Variants in TRIP11 observed in about 807,000 individuals in gnomAD.
The protein encoded by TRIP11 is thyroid receptor-interacting protein 11.
A neutral mutation model predicts 223.1 loss-of-function variants in TRIP11; 148 were observed. The ratio of observed to expected loss-of-function variants is 0.66; its 90% CI spans 0.58 to 0.76. The LOEUF (loss-of-function observed/expected upper bound fraction) is 0.76, where lower values mean the gene tolerates loss of function less well. TRIP11 is among the 30% of genes least tolerant of loss of function. The pLI is 0.00. For missense variants in TRIP11, 2,043 were observed against 2,222.0 expected (o/e 0.92, Z 1.62); for synonymous variants, 762 against 772.6 (o/e 0.99, Z 0.23).
chr14:91,995,569 CAAG>C lies in TRIP11; in HGVS notation c.4893-57_4893-55del, dbSNP rs562456898. The C allele has an allele frequency of 7.0e-4, 1,110 of 1,578,816 alleles. 10 individuals are homozygous for C. In the African/African-American group the frequency reaches 0.013, roughly 19 times the overall value. The stretch of plus-strand genomic sequence containing the variant: ...TGCTTCATCTATTTAGATACTTTAA[CAAG>C]AAGAAGCCACCTTCCCTACATCTTA... On this transcript the variant is annotated intron_variant, in intron 13 of 20. Transcript: ENST00000267622.
rs2056923320 is a variant in TRIP11 at position 92,007,717 on chromosome 14, T to G, written c.1450A>C (p.Asn484His). The part of the protein sequence containing the change: ...LNLEAKEQEL[N>H]QSISEKETLI... ...GTTTCCTTTTCACTAATACTCTGATTGAGTTCTTGTTCCTTTGCCTCCAAA... is the reference window on the plus strand; with the variant it reads ...GTTTCCTTTTCACTAATACTCTGATGGAGTTCTTGTTCCTTTGCCTCCAAA... The change falls in exon 10 of 21, where the codon AAT (asparagine) becomes CAT (histidine). Residue 484 changes from asparagine to histidine, a missense_variant. By Grantham distance (68) the Asn-to-His change is moderately conservative. Coordinates refer to ENST00000267622, the MANE Select transcript of TRIP11 (RefSeq NM_004239.4). The G allele has an allele frequency of 6.2e-7, 1 of 1,613,672 alleles. No individual in the cohort carries two copies. The highest frequency in any genetic ancestry group is 1.3e-5 in the African/African-American group (1 of 74,950).
In TRIP11 at chr14:92,003,634, T is replaced by C; in HGVS notation, c.4342A>G (p.Lys1448Glu). ...ATCTCTAGAATTAATATTCTCTCCT[T>C]CAGGTTTGTTACTGCCTGCCTCAAA... ...ELLRQAVTNL[K>E]ERILILEMDI... Residue 1448 changes from lysine to glutamate, a missense_variant, in exon 11 of 21, where the codon AAG becomes GAG. Coordinates refer to ENST00000267622, the MANE Select transcript of TRIP11 (RefSeq NM_004239.4). 1 of 1,614,204 alleles carries C rather than the reference T, an allele frequency of 6.2e-7. No homozygotes were observed. The highest frequency in any genetic ancestry group is 8.5e-7 in the Non-Finnish European group (1 of 1,180,034).
chr14:91,992,726 G>A (rs987963718), intron 15 of TRIP11, among the ~76,000 whole-genome samples: 1 of 151,688 alleles, frequency 6.6e-6, no homozygotes, highest in Non-Finnish European at 1.5e-5. Context: ...TGGCTAACAT[G>A]GTGAAACCTC....
rs1235880158 is a variant in TRIP11, at chr14:92,005,233, G to A, written c.2743C>T (p.His915Tyr). Reference sequence around the variant, plus strand: ...TTTTGATCTTCAATTATCTTTTGATGATGTTTAATTTCCTCTTCAAGATGT... The same window carrying A: ...TTTTGATCTTCAATTATCTTTTGATAATGTTTAATTTCCTCTTCAAGATGT... Reference protein sequence around the residue: ...KEHLEEEIKHHQKIIEDQNQS... With the variant: ...KEHLEEEIKHYQKIIEDQNQS... The change falls in exon 11 of 21, where the codon CAT becomes TAT. Residue 915 changes from histidine (H) to tyrosine (Y), a missense_variant. Physicochemically the swap from His to Tyr is moderately conservative, Grantham distance 83. Coordinates refer to ENST00000267622, the MANE Select transcript of TRIP11 (RefSeq NM_004239.4). The A allele has an allele frequency of 6.2e-7, 1 of 1,613,980 alleles. No homozygotes were observed. Among genetic ancestry groups the A allele is most frequent in the Non-Finnish European group, 8.5e-7 (1 of 1,180,036 alleles).
intron 17 of TRIP11, 115 bp from the exon 18 acceptor site, chr14:91,975,401 T>C: frequency 1.7e-6 from 1 of 580,480 alleles, no homozygotes; most frequent in East Asian, 3.6e-5. Context: ...TATAAAAAAG[T>C]CTAAACAAAA....
chr14:91,995,248 C>A, intron 14 of TRIP11, 104 bp downstream of exon 14: 1 of 1,416,664 alleles, frequency 7.1e-7, no homozygotes, highest in South Asian at 1.2e-5. Context: ...AGTGGGTAAC[C>A]TTTCAGAGAT....
rs566304125 is a variant in TRIP11 at position 91,975,352 on chromosome 14, T to C, written c.5343-66A>G. The C allele has an allele frequency of 4.9e-5, 50 of 1,015,696 alleles. 1 individual carries two copies. The highest frequency in any genetic ancestry group is 2.4e-4 in the African/African-American group (15 of 62,916). 62.9% of individuals were successfully genotyped at this position (1,015,696 alleles called of 1,614,324 possible). On this transcript the variant is annotated intron_variant, in intron 17 of 20. Transcript: ENST00000267622. ...ATTAAGTACACTCAAACACTAAGCA[T>C]AGAAATATTTAATTATATTAAACAA... is the stretch of plus-strand genomic sequence containing the variant.
At chr14:91,977,303 T>C in intron 16 of TRIP11, 1 of 440,982 alleles carries the variant, frequency 2.3e-6, no homozygotes, top group Non-Finnish European at 4.5e-6. Context: ...CTTTTTCTTT[T>C]GTTGCTTGTG....
chr14:91,973,591 G>T (rs1324408894), intron 19 of TRIP11, among the ~76,000 whole-genome samples: 1 of 152,088 alleles, frequency 6.6e-6, no homozygotes, highest in Admixed American at 6.5e-5. Flanking sequence ...AATAACAAAA[G>T]ATCACAAATA....
At position 92,039,916 on chromosome 14, in the gene TRIP11, C is replaced by T. The variant is rs2057366478; in HGVS notation, c.-231G>A. The T allele has an allele frequency of 2.7e-6, 2 of 740,072 alleles. No individual in the cohort carries two copies. Among genetic ancestry groups the T allele is most frequent in the East Asian group, 5.6e-5 (2 of 35,694 alleles). The allele number at this position is 740,072 out of a possible 1,614,324, so 45.8% of individuals were successfully genotyped here. A position where few individuals can be genotyped will look rare whatever the true frequency, so the allele number is the denominator to read the frequency against. On this transcript the variant is annotated 5_prime_UTR_variant, in exon 1 of 21. Transcript: ENST00000267622. ...TAGTGACACAGTCACCTACGGAGGG[C>T]CTTCTGCTCATTCCCACGAATTCCC... is the stretch of plus-strand genomic sequence containing the variant.
intron 6 of TRIP11, among the ~76,000 whole-genome samples, chr14:92,015,305 C>T (rs1442133869): frequency 2.0e-5 from 3 of 152,128 alleles, no homozygotes; most frequent in African/African-American, 7.2e-5. Context: ...ACAGCACTGT[C>T]CTGGTCTTAG....
chr14:92,027,393 T>TATA (rs561002941), intron 2 of TRIP11, among the ~76,000 whole-genome samples: 97 of 152,302 alleles, frequency 6.4e-4, no homozygotes, highest in African/African-American at 2.0e-3. Flanking sequence ...TTAGCTGTAC[T>TATA]ATAAGTAGTT....
intron 15 of TRIP11, among the ~76,000 whole-genome samples, chr14:91,993,401 G>C (rs973571678): frequency 6.7e-6 from 1 of 149,848 alleles, no homozygotes; most frequent in African/African-American, 2.5e-5. Flanking sequence ...GCTTGAACCC[G>C]GAAGGCAGAG....
At chr14:92,000,256 C>T (rs2056807456) in intron 11 of TRIP11, 148 bp from the exon 12 acceptor site, 5 of 1,322,516 alleles carry the variant, frequency 3.8e-6, no homozygotes, top group Non-Finnish European at 5.1e-6. Flanking sequence ...AGAGAGACTC[C>T]TAGTTAATTT....
intron 16 of TRIP11, 110 bp from the exon 17 acceptor site, chr14:91,976,299 T>C (rs1167080596): frequency 5.6e-6 from 5 of 894,652 alleles, no homozygotes; most frequent in Admixed American, 2.0e-5. Flanking sequence ...TATATACACT[T>C]ATTCTAATTG....
chr14:91,977,202 A>G (rs1388245247), intron 16 of TRIP11: 1 of 453,894 alleles, frequency 2.2e-6, no homozygotes, highest in East Asian at 7.0e-5. Flanking sequence ...ATTTACAAAC[A>G]TGTTTTCCCC....
intron 16 of TRIP11, among the ~76,000 whole-genome samples, chr14:91,977,830 C>A (rs1382207415): frequency 6.6e-6 from 1 of 152,118 alleles, no homozygotes; most frequent in Admixed American, 6.5e-5. Flanking sequence ...TAAAATGTCT[C>A]GTTTAACTGT....
rs545153463 is a variant in TRIP11 at position 91,968,425 on chromosome 14, T to G, written c.*1248A>C. The G allele has an allele frequency of 9.5e-6, 2 of 209,706 alleles. No individual in the cohort carries two copies. The highest frequency in any genetic ancestry group is 1.4e-4 in the East Asian group (2 of 13,860). 13.0% of individuals were successfully genotyped at this position (209,706 alleles called of 1,614,324 possible). On this transcript the variant is annotated 3_prime_UTR_variant, in exon 21 of 21. Transcript: ENST00000267622. ...ACTGGTGCTATCAAAGTGATTTCAC[T>G]GCCCTCAGTGGCCACCGTGATAACA...
In TRIP11 at chr14:92,011,158, C is replaced by T. The variant is rs908736255; in HGVS notation, c.1228-86G>A. On this transcript the variant is annotated intron_variant, in intron 8 of 20. Transcript: ENST00000267622. Reference sequence around the variant, plus strand: ...TGGCAATCTATACAATTGTGTGTTTCTATTCAGTATTTCTTTAATGATATG... The same window carrying T: ...TGGCAATCTATACAATTGTGTGTTTTTATTCAGTATTTCTTTAATGATATG... 89 of 1,193,210 alleles carry T rather than the reference C, an allele frequency of 7.5e-5. No individual in the cohort carries two copies. In the African/African-American group the frequency reaches 1.1e-3, roughly 15 times the overall value. 73.9% of individuals were successfully genotyped at this position (1,193,210 alleles called of 1,614,324 possible). A position where few individuals can be genotyped will look rare whatever the true frequency, so the allele number is the denominator to read the frequency against.
Sources: allele counts gnomAD v4.1 joint callset (sites outside exome capture counted in the v4.1 genomes callset), GRCh38; gene constraint gnomAD v4.1.1; transcripts MANE v1.5; gene names NCBI Gene and HGNC (gene_info 2026-07-23, HGNC 2026-07-21).